Variants in SLC2A5 observed in about 807,000 individuals in gnomAD.
The protein encoded by SLC2A5 is solute carrier family 2, facilitated glucose transporter member 5.
In SLC2A5, 56 loss-of-function variants were observed where a neutral mutation model predicts 50.3. The ratio of observed to expected loss-of-function variants is 1.11; its 90% confidence interval spans 0.90 to 1.39. The LOEUF (loss-of-function observed/expected upper bound fraction) is 1.39, where lower values mean the gene tolerates loss of function less well. Ranked by LOEUF, SLC2A5 falls within the 40% of genes most tolerant of loss-of-function variation. SLC2A5 has a pLI of 0.00. For synonymous variants in SLC2A5, 269 were observed against 281.9 expected, an observed-to-expected ratio of 0.95 and a Z score of 0.46; for missense variants, 566 against 650.1, an observed-to-expected ratio of 0.87 and a Z score of 1.41.
intron 3 of SLC2A5, 138 bp from the exon 4 acceptor site, chr1:9,047,872 T>C: frequency 1.2e-6 from 1 of 849,900 alleles, no homozygotes; most frequent in Non-Finnish European, 1.8e-6. Context: ...CTCTGGGACC[T>C]GAGACTGATA....
intron 3 of SLC2A5, among the ~76,000 whole-genome samples, chr1:9,053,090 AT>A: frequency 1.0e-5 from 1 of 98,008 alleles, no homozygotes; most frequent in East Asian, 2.6e-4. Context: ...TTAATATATA[AT>A]ATATATTTAT....
intron 1 of SLC2A5, among the ~76,000 whole-genome samples, chr1:9,059,173 T>G (rs12354239): frequency 8.6e-6 from 1 of 115,994 alleles, no homozygotes. Context: ...CACAGAGTCT[T>G]GCTCTGTCAC....
At chr1:9,039,064 G>T in intron 8 of SLC2A5, 135 bp from the exon 9 acceptor site, 1 of 1,056,254 alleles carries the variant, frequency 9.5e-7, no homozygotes. Flanking sequence ...ACATTCACAT[G>T]TGCAAGACAT....
intron 3 of SLC2A5, among the ~76,000 whole-genome samples, chr1:9,050,933 A>C (rs1268158600): frequency 6.6e-6 from 1 of 152,222 alleles, no homozygotes; most frequent in Non-Finnish European, 1.5e-5. Context: ...ACAGCCTCAA[A>C]ATACATACAG....
upstream of SLC2A5, among the ~76,000 whole-genome samples, chr1:9,091,851 G>A (rs6702164): frequency 8.0e-3 from 1,223 of 152,034 alleles, 6 homozygotes; most frequent in Admixed American, 0.013. Flanking sequence ...AGTCACAGAG[G>A]CTGCTCCCTT....
At chr1:9,076,997 C>T (rs1046050207) in intron 2 of SLC2A5, among the ~76,000 whole-genome samples, 1 of 151,702 alleles carries the variant, frequency 6.6e-6, no homozygotes, top group Non-Finnish European at 1.5e-5. Context: ...CCATGTTGGC[C>T]AGGCTGGTCT....
chr1:9,062,518 A>G (rs1003955354), intron 1 of SLC2A5, among the ~76,000 whole-genome samples: 4 of 152,212 alleles, frequency 2.6e-5, no homozygotes, highest in Non-Finnish European at 4.4e-5. Flanking sequence ...TATTCACTCC[A>G]TCTGTTCCCT....
Position 9,039,650 on chromosome 1 carries a change from CGTA to C in SLC2A5, c.895_897del (p.Tyr299del). On this transcript the variant is annotated inframe_deletion, in exon 8 of 12. Transcript: ENST00000377424. ...CCGGCGCTCAGGTAGATCTGGTCCG[CGTA>C]GTAGTAGATCTGCAAGGCAAGCGCG... 1.3e-6 allele frequency: 2 copies of C among 1,548,854 alleles called. No individual in the cohort carries two copies. Among genetic ancestry groups the C allele is most frequent in the South Asian group, 1.2e-5 (1 of 83,692 alleles).
upstream of SLC2A5, among the ~76,000 whole-genome samples, chr1:9,071,132 G>A (rs556561439): frequency 3.3e-5 from 5 of 152,256 alleles, no homozygotes; most frequent in South Asian, 2.1e-4. Context: ...GAATCCGGCC[G>A]GGCGCGGTGG....
In SLC2A5 at chr1:9,069,591, T is replaced by G; in HGVS notation, c.-55A>C. 2 of 1,599,276 alleles carry G rather than the reference T, an allele frequency of 1.3e-6. No individual in the cohort carries two copies. The highest frequency in any genetic ancestry group is 2.7e-5 in the African/African-American group (2 of 74,700). The stretch of plus-strand genomic sequence containing the variant: ...ACCTCCTTTTAGCCAAAGTAACGCG[T>G]GCACTGAATGGAGAGAGAAGACATT... On this transcript the variant is annotated 5_prime_UTR_variant, in exon 1 of 12. Transcript: ENST00000377424.
chr1:9,070,072 G>GTTTTTTTTTTTTT (rs56828280), upstream of SLC2A5, among the ~76,000 whole-genome samples: 32 of 62,516 alleles, frequency 5.1e-4, 5 homozygotes, highest in African/African-American at 2.7e-3. Context: ...CTCATTTTCT[G>GTTTTTTTTTTTTT]TTTTTTTTTT....
chr1:9,040,262 C>G lies in SLC2A5; in HGVS notation c.572-73G>C. 1 of 1,504,034 alleles carries G rather than the reference C, an allele frequency of 6.6e-7. No homozygotes were observed. The highest frequency in any genetic ancestry group is 8.8e-7 in the Non-Finnish European group (1 of 1,130,902). The allele number at this position is 1,504,034 out of a possible 1,614,324, so 93.2% of individuals were successfully genotyped here. ...GAAGGCGCCCTCTGCAGAGCCGGCC[C>G]CAGCCCCGTCATCCTGAGTGGGGTG... is the stretch of plus-strand genomic sequence containing the variant. On this transcript the variant is annotated intron_variant, in intron 5 of 11. Transcript: ENST00000377424. This position sits in a 1 kb window ranked among gnomAD's most constrained non-coding sequence, Gnocchi z 4.3.
At chr1:9,055,145 A>G (rs1398593276) in intron 3 of SLC2A5, among the ~76,000 whole-genome samples, 2 of 152,204 alleles carry the variant, frequency 1.3e-5, no homozygotes, top group Non-Finnish European at 2.9e-5. Context: ...CCTGGGTTGG[A>G]GTCCTGGCCA....
At chr1:9,065,353 A>T (rs1642053574) in intron 1 of SLC2A5, among the ~76,000 whole-genome samples, 1 of 152,180 alleles carries the variant, frequency 6.6e-6, no homozygotes, top group Admixed American at 6.5e-5. Flanking sequence ...ACTGGGAAGG[A>T]AGCCCAAACC....
upstream of SLC2A5, chr1:9,069,700 G>C: frequency 5.6e-6 from 4 of 709,438 alleles, no homozygotes; most frequent in Non-Finnish European, 9.5e-6. Context: ...TCAGGAACCT[G>C]GTCTTCCTTT....
intron 1 of SLC2A5, among the ~76,000 whole-genome samples, chr1:9,068,247 G>A (rs558911154): frequency 1.0e-3 from 157 of 150,262 alleles, no homozygotes; most frequent in Admixed American, 2.2e-3. Context: ...ACATTTACGG[G>A]GAACTCACTC....
chr1:9,053,736 T>G (rs2124388282), intron 3 of SLC2A5, among the ~76,000 whole-genome samples: 1 of 149,432 alleles, frequency 6.7e-6, no homozygotes, highest in South Asian at 2.1e-4. Context: ...TGGCTGGACA[T>G]GGTGGCAGGT....
chr1:9,062,591 G>T (rs1033621573), intron 1 of SLC2A5, among the ~76,000 whole-genome samples: 1 of 152,184 alleles, frequency 6.6e-6, no homozygotes, highest in African/African-American at 2.4e-5. Context: ...ATTACTCCAG[G>T]CTGGGCACAG....
At chr1:9,073,342 A>C (rs1334306577), upstream of SLC2A5, among the ~76,000 whole-genome samples, 1 of 152,258 alleles carries the variant, frequency 6.6e-6, no homozygotes, top group African/African-American at 2.4e-5. Flanking sequence ...CAGTCAGTAC[A>C]GACATAAAGT....
Sources: gnomAD v4.1 joint callset for allele counts (sites outside exome capture counted in the v4.1 genomes callset) on GRCh38, gnomAD v4.1.1 for gene constraint, Gnocchi (gnomAD v3.1) non-coding constraint, MANE v1.5 for transcripts, NCBI Gene and HGNC (gene_info 2026-07-23, HGNC 2026-07-21) for gene names.